Variants in PRUNE2 observed in about 807,000 individuals in gnomAD.
PRUNE2 encodes protein prune homolog 2.
PRUNE2 carries 164 observed loss-of-function variants against 252.0 expected under a neutral mutation model. The observed-to-expected ratio is 0.65, with a 90% CI of 0.57 to 0.74. The LOEUF (loss-of-function observed/expected upper bound fraction) is 0.74, where lower values mean the gene tolerates loss of function less well. Ranked by LOEUF, PRUNE2 falls within the 30% of genes least tolerant of loss-of-function variation. The pLI, the probability that PRUNE2 is intolerant of heterozygous loss-of-function variation, is 0.00. For missense variants in PRUNE2, 3,495 were observed against 3,711.0 expected (o/e 0.94, Z 1.51); for synonymous variants, 1,292 against 1,350.2 (o/e 0.96, Z 0.94).
At chr9:76,721,021 A>G (rs10869804) in intron 6 of PRUNE2, among the ~76,000 whole-genome samples, 33,027 of 151,982 alleles carry the variant, frequency 0.22, 4,039 homozygotes, top group East Asian at 0.58. Context: ...AGAAGGGCAT[A>G]AACCCAGGAG....
chr9:76,676,339 G>A (rs2042582643), intron 9 of PRUNE2, among the ~76,000 whole-genome samples: 1 of 140,530 alleles, frequency 7.1e-6, no homozygotes, highest in African/African-American at 2.6e-5. Flanking sequence ...ATTAAATATA[G>A]CATGAAACAC....
chr9:76,770,458 T>G lies in PRUNE2; in HGVS notation c.756+53174A>C, dbSNP rs538278683. Among the ~76,000 whole-genome samples, 33 of 152,296 alleles carry G rather than the reference T, an allele frequency of 2.2e-4. No individual in the cohort carries two copies. The South Asian group carries it at 5.6e-3, about 26-fold the overall frequency. ...TATGTTAATGGCTTTTTCAAATGAA[T>G]ATATGATTCAAAAATTGAAAAGGAC... is the stretch of plus-strand genomic sequence containing the variant. On this transcript the variant is annotated intron_variant, in intron 6 of 18. Coordinates refer to ENST00000376718, the MANE Select transcript of PRUNE2 (RefSeq NM_015225.3).
intron 9 of PRUNE2, among the ~76,000 whole-genome samples, chr9:76,684,549 T>C (rs1020664631): frequency 1.3e-5 from 2 of 152,192 alleles, no homozygotes; most frequent in African/African-American, 4.8e-5. Flanking sequence ...CAGGTTAACT[T>C]AGGGTTTCAA....
chr9:76,766,787 A>G (rs2052444258), intron 6 of PRUNE2, among the ~76,000 whole-genome samples: 1 of 152,096 alleles, frequency 6.6e-6, no homozygotes, highest in South Asian at 2.1e-4. Flanking sequence ...GCTTCTTATC[A>G]CATAGGGAGT....
intron 1 of PRUNE2, among the ~76,000 whole-genome samples, chr9:76,895,911 G>A (rs2062793260): frequency 6.6e-6 from 1 of 152,154 alleles, no homozygotes; most frequent in Non-Finnish European, 1.5e-5. Context: ...AGCCTCCTGA[G>A]TAGCTGGGAC....
At chr9:76,689,164 T>C (rs886379173) in intron 9 of PRUNE2, among the ~76,000 whole-genome samples, 1 of 152,230 alleles carries the variant, frequency 6.6e-6, no homozygotes, top group African/African-American at 2.4e-5. Context: ...TACCTTTGTA[T>C]CATATGCATT....
rs565541227 is a variant in PRUNE2 at position 76,761,588 on chromosome 9, T to C, written c.757-47867A>G. The stretch of plus-strand genomic sequence containing the variant: ...GGGTCAAATGATTGCTTTTCTCTTT[T>C]GCTGGGAGTTTTTGTTGTCATGTTT... On this transcript the variant is annotated intron_variant, in intron 6 of 18. Transcript: ENST00000376718. Among the ~76,000 whole-genome samples the C allele has an allele frequency of 6.6e-5, 10 of 152,340 alleles. No individual in the cohort carries two copies. The South Asian group carries it at 2.1e-3, about 32-fold the overall frequency.
At chr9:76,837,298 C>T (rs1169248099) in intron 4 of PRUNE2, among the ~76,000 whole-genome samples, 3 of 151,924 alleles carry the variant, frequency 2.0e-5, no homozygotes, top group Non-Finnish European at 4.4e-5. Flanking sequence ...AAAAATTAGC[C>T]AGGCGTGGTG....
intron 1 of PRUNE2, among the ~76,000 whole-genome samples, chr9:76,901,052 AAGGTGCTGTCTGAATCAC>A (rs1172249603): frequency 6.6e-6 from 1 of 152,190 alleles, no homozygotes; most frequent in East Asian, 1.9e-4. Flanking sequence ...TCCAAGACCC[AAGGTGCTGTCTGAATCAC>A]AGGGAGCACC....
Position 76,652,645 on chromosome 9 carries a change from G to A in PRUNE2, c.8395C>T (p.Arg2799Trp), listed in dbSNP as rs201365052. 819 of 1,612,506 alleles carry A rather than the reference G, an allele frequency of 5.1e-4. No homozygotes were observed. Among genetic ancestry groups the A allele is most frequent in the Admixed American group, 1.1e-3 (64 of 59,970 alleles). ...TTTGGGGCTGTGAGCTTGATTCTCC[G>A]AGGATGAGTGTCATTAAGATCCAGA... ...NSLDLNDTHP[R>W]RIKLTAPNIN... Residue 2799 changes from arginine (R) to tryptophan (W), a missense_variant, in exon 11 of 19, where the codon CGG (arginine) becomes TGG (tryptophan). Arg to Trp is a moderately radical substitution (Grantham distance 101). Transcript: ENST00000376718.
At chr9:76,649,360 A>G (rs1252190744) in intron 11 of PRUNE2, among the ~76,000 whole-genome samples, 2 of 23,548 alleles carry the variant, frequency 8.5e-5, no homozygotes, top group East Asian at 2.5e-3. Flanking sequence ...TGTTCCTATC[A>G]TCTATTAAAA....
At chr9:76,652,970 G>A (rs949248492) in intron 10 of PRUNE2, among the ~76,000 whole-genome samples, 6 of 152,132 alleles carry the variant, frequency 3.9e-5, no homozygotes, top group African/African-American at 1.4e-4. Context: ...GCTGCCAAGA[G>A]TGGGTTTGGG....
At chr9:76,666,379 C>T (rs2040176850) in intron 9 of PRUNE2, among the ~76,000 whole-genome samples, 1 of 152,256 alleles carries the variant, frequency 6.6e-6, no homozygotes, top group Non-Finnish European at 1.5e-5. Flanking sequence ...AACCATCTCC[C>T]TGTGATGCTG....
At chr9:76,747,780 TC>T (rs1449275425) in intron 6 of PRUNE2, among the ~76,000 whole-genome samples, 1 of 150,792 alleles carries the variant, frequency 6.6e-6, no homozygotes, top group Non-Finnish European at 1.5e-5. Flanking sequence ...CGCTCACTCC[TC>T]CTCCATTCTC....
chr9:76,713,794 C>T (rs2046926097), intron 6 of PRUNE2, 73 bp from the exon 7 acceptor site: 5 of 1,094,226 alleles, frequency 4.6e-6, no homozygotes, highest in African/African-American at 1.6e-5. Flanking sequence ...ACAAATTTGT[C>T]CAGTCTTATG....
intron 6 of PRUNE2, among the ~76,000 whole-genome samples, chr9:76,778,199 T>C (rs2054003921): frequency 6.6e-6 from 1 of 152,230 alleles, no homozygotes; most frequent in Admixed American, 6.5e-5. Flanking sequence ...AAGTCAAGGC[T>C]GAGGAAGACT....
chr9:76,613,404 T>C lies in PRUNE2; in HGVS notation c.*1166A>G, dbSNP rs1368638742. On this transcript the variant is annotated 3_prime_UTR_variant, in exon 19 of 19. Transcript: ENST00000376718. ...TGTAGACAGTACAAAAACAAGTTTG[T>C]GTGGCTGTGTTTCAGTACCACTTTA... 6.6e-6 allele frequency: 1 copy of C among 152,248 alleles called. No homozygotes were observed. Among genetic ancestry groups the C allele is most frequent in the Non-Finnish European group, 1.5e-5 (1 of 68,040 alleles). The allele number at this position is 152,248 out of a possible 1,614,324, so 9.4% of individuals were successfully genotyped here.
chr9:76,697,204 G>C (rs1028398448), intron 9 of PRUNE2, among the ~76,000 whole-genome samples: 2 of 152,118 alleles, frequency 1.3e-5, no homozygotes, highest in Non-Finnish European at 2.9e-5. Context: ...AAGCACCTTG[G>C]GTTTTTCCTC....
intron 9 of PRUNE2, among the ~76,000 whole-genome samples, chr9:76,663,537 A>C (rs1376221812): frequency 6.6e-6 from 1 of 152,100 alleles, no homozygotes; most frequent in Non-Finnish European, 1.5e-5. Flanking sequence ...GGAGCAAAAA[A>C]ATCACTTGTA....
Sources: allele counts gnomAD v4.1 joint callset (sites outside exome capture counted in the v4.1 genomes callset), GRCh38; gene constraint gnomAD v4.1.1; transcripts MANE v1.5; gene names NCBI Gene and HGNC (gene_info 2026-07-23, HGNC 2026-07-21).